PGCKA1: variants seen among roughly 807,000 people sequenced by gnomAD.
PGCKA1 encodes PDCD10 and GCKIII kinases associated 1.
the PGCKA1 span, among the ~76,000 whole-genome samples, chr4:37,523,265 T>C: frequency 0.39 from 59,201 of 151,964 alleles, 12,297 homozygotes; most frequent in African/African-American, 0.53. Context: ...CCTAACAAAA[T>C]GCACTGAGTT....
the PGCKA1 span, among the ~76,000 whole-genome samples, chr4:37,548,024 G>GA: frequency 1.7e-4 from 18 of 108,672 alleles, no homozygotes; most frequent in African/African-American, 4.8e-4. Flanking sequence ...AAAAAAAAAG[G>GA]GGGGGAGGCA....
the PGCKA1 span, among the ~76,000 whole-genome samples, chr4:37,582,043 A>G: frequency 1.3e-5 from 2 of 152,140 alleles, no homozygotes; most frequent in Non-Finnish European, 2.9e-5. Context: ...CTGATAGGGC[A>G]GCACTGAGTT....
chr4:37,533,747 G>GC, the PGCKA1 span, among the ~76,000 whole-genome samples: 7,116 of 152,196 alleles, frequency 0.047, 587 homozygotes, highest in African/African-American at 0.16. Flanking sequence ...TAATACCTGA[G>GC]CAAGTTATAT....
At chr4:37,494,827 G>T in the PGCKA1 span, among the ~76,000 whole-genome samples, 2 of 152,030 alleles carry the variant, frequency 1.3e-5, no homozygotes, top group African/African-American at 4.8e-5. Flanking sequence ...TCTGACTGGT[G>T]CAAGATGGTA....
chr4:37,544,498 G>A, the PGCKA1 span, among the ~76,000 whole-genome samples: 10 of 103,262 alleles, frequency 9.7e-5, no homozygotes, highest in South Asian at 1.0e-3. Flanking sequence ...TCCTGGATTG[G>A]TCTTCTAATT....
the PGCKA1 span, chr4:37,584,168 T>C: frequency 6.6e-6 from 1 of 152,208 alleles, no homozygotes; most frequent in African/African-American, 2.4e-5. Context: ...GAAGAATAAT[T>C]GTAGACACAG....
At chr4:37,483,550 C>T in the PGCKA1 span, among the ~76,000 whole-genome samples, 7 of 152,260 alleles carry the variant, frequency 4.6e-5, no homozygotes, top group East Asian at 1.9e-4. Flanking sequence ...ATACATGCTA[C>T]GGCAAGATTT....
At chr4:37,573,868 C>T in the PGCKA1 span, among the ~76,000 whole-genome samples, 2 of 152,174 alleles carry the variant, frequency 1.3e-5, no homozygotes, top group African/African-American at 4.8e-5. Context: ...TCCCTACATC[C>T]TACACTGACA....
chr4:37,477,352 A>T, the PGCKA1 span, among the ~76,000 whole-genome samples: 2 of 152,182 alleles, frequency 1.3e-5, no homozygotes. Context: ...AGTCATACAG[A>T]GATGGAAAGT....
chr4:37,555,796 T>C, the PGCKA1 span, among the ~76,000 whole-genome samples: 3 of 152,176 alleles, frequency 2.0e-5, no homozygotes, highest in Non-Finnish European at 4.4e-5. Context: ...CTTGTCTGTT[T>C]CTTTCACCCA....
the PGCKA1 span, among the ~76,000 whole-genome samples, chr4:37,511,607 T>C: frequency 3.4e-3 from 519 of 152,230 alleles, 4 homozygotes; most frequent in African/African-American, 0.012. Flanking sequence ...CTTCCCTCTC[T>C]TCTCCTCAAG....
At chr4:37,553,065 G>A in the PGCKA1 span, among the ~76,000 whole-genome samples, 2 of 151,098 alleles carry the variant, frequency 1.3e-5, no homozygotes, top group South Asian at 2.1e-4. Context: ...TGGCAGCTTC[G>A]TTGCAGTGGG....
the PGCKA1 span, among the ~76,000 whole-genome samples, chr4:37,464,379 T>C: frequency 6.6e-6 from 1 of 152,170 alleles, no homozygotes; most frequent in Non-Finnish European, 1.5e-5. Flanking sequence ...TCCTCATCTG[T>C]AAAACTGGGA....
the PGCKA1 span, among the ~76,000 whole-genome samples, chr4:37,513,019 C>A: frequency 4.9e-4 from 74 of 149,712 alleles, no homozygotes; most frequent in African/African-American, 1.8e-3. Context: ...ACCTGGGAGG[C>A]GGAGATTTCA....
chr4:37,523,853 AGC>A, the PGCKA1 span, among the ~76,000 whole-genome samples: 1 of 152,106 alleles, frequency 6.6e-6, no homozygotes, highest in Non-Finnish European at 1.5e-5. Flanking sequence ...GGTGCATACA[AGC>A]AGAGAGAGCA....
At chr4:37,564,134 C>T in the PGCKA1 span, among the ~76,000 whole-genome samples, 3 of 151,882 alleles carry the variant, frequency 2.0e-5, no homozygotes, top group East Asian at 3.9e-4. Flanking sequence ...ATTAGCTGGG[C>T]GTGGTGGCAG....
the PGCKA1 span, chr4:37,590,742 G>C: frequency 6.8e-6 from 11 of 1,614,188 alleles, 1 homozygote; most frequent in Non-Finnish European, 7.6e-6. Context: ...AGCATGGTTT[G>C]AATACGCCCT....
the PGCKA1 span, chr4:37,588,710 C>A: frequency 1.6e-6 from 1 of 626,910 alleles, no homozygotes; most frequent in South Asian, 1.9e-5. Flanking sequence ...CTCTGACCCA[C>A]GTGGTAGTTA....
At chr4:37,537,956 A>T in the PGCKA1 span, among the ~76,000 whole-genome samples, 1 of 152,150 alleles carries the variant, frequency 6.6e-6, no homozygotes, top group Non-Finnish European at 1.5e-5. Flanking sequence ...TATCAAACAC[A>T]TAGTGAATGC....
Sources: gnomAD v4.1 joint callset for allele counts (sites outside exome capture counted in the v4.1 genomes callset) on GRCh38, gnomAD v4.1.1 for gene constraint, MANE v1.5 for transcripts, NCBI Gene and HGNC (gene_info 2026-07-23, HGNC 2026-07-21) for gene names.